The following LUZP2 variants were observed in gnomAD, a reference collection of about 807,000 sequenced individuals.
LUZP2 encodes the protein leucine zipper protein 2.
A neutral mutation model predicts 51.6 loss-of-function variants in LUZP2; 52 were observed. That is an observed-to-expected ratio of 1.01 (90% CI 0.81 to 1.27). The LOEUF (loss-of-function observed/expected upper bound fraction) is 1.27, where lower values mean the gene tolerates loss of function less well. Among genes scored for constraint, LUZP2 ranks in the 50% most tolerant of loss-of-function variants. The pLI, the probability that LUZP2 is intolerant of heterozygous loss-of-function variation, is 0.00. For missense variants in LUZP2, 436 were observed against 395.4 expected (o/e 1.10, Z -0.87); for synonymous variants, 154 against 137.3 (o/e 1.12, Z -0.85).
intron 1 of LUZP2, among the ~76,000 whole-genome samples, chr11:24,546,330 T>C (rs892302900): frequency 1.2e-4 from 18 of 152,062 alleles, no homozygotes; most frequent in African/African-American, 4.1e-4. Context: ...TGAACAAGAA[T>C]GGTGAGAGAA....
chr11:24,817,383 C>T (rs950875135), intron 5 of LUZP2, among the ~76,000 whole-genome samples: 2 of 151,896 alleles, frequency 1.3e-5, no homozygotes, highest in Admixed American at 6.6e-5. Context: ...TTCTAGTTGG[C>T]TCATGGTTGA....
At chr11:24,964,417 T>G (rs1376718500) in intron 7 of LUZP2, among the ~76,000 whole-genome samples, 1 of 152,148 alleles carries the variant, frequency 6.6e-6, no homozygotes, top group Non-Finnish European at 1.5e-5. Context: ...AGCAAGTTTT[T>G]TCACTTTATA....
chr11:24,554,490 AT>A (rs1482074562), intron 1 of LUZP2, among the ~76,000 whole-genome samples: 4 of 152,176 alleles, frequency 2.6e-5, no homozygotes, highest in Admixed American at 2.6e-4. Flanking sequence ...AAGAAAGTTA[AT>A]TTTTTGCCAC....
chr11:24,935,041 G>T (rs1323771013), intron 7 of LUZP2, among the ~76,000 whole-genome samples: 1 of 152,122 alleles, frequency 6.6e-6, no homozygotes, highest in Non-Finnish European at 1.5e-5. Flanking sequence ...CAAGAATAAG[G>T]CACAAGTCAG....
chr11:24,905,981 TC>T lies in LUZP2; in HGVS notation c.397-9del. On this transcript the variant is annotated splice_polypyrimidine_tract_variant and intron_variant, in intron 5 of 11. Coordinates refer to ENST00000336930, the MANE Select transcript of LUZP2 (RefSeq NM_001009909.4). Reference sequence around the variant, plus strand: ...TCTTCTTTGCAATAAAACTATGTTTTCTTCCTCAGAATAAAAGCTTGAAAAA... The same window carrying T: ...TCTTCTTTGCAATAAAACTATGTTTTTTCCTCAGAATAAAAGCTTGAAAAA... 1 of 1,601,112 alleles carries T rather than the reference TC, an allele frequency of 6.2e-7. No homozygotes were observed. The highest frequency in any genetic ancestry group is 8.6e-7 in the Non-Finnish European group (1 of 1,168,654).
intron 5 of LUZP2, among the ~76,000 whole-genome samples, chr11:24,768,486 G>A (rs1860279131): frequency 6.6e-6 from 1 of 152,112 alleles, no homozygotes; most frequent in African/African-American, 2.4e-5. Context: ...AATACTTCAT[G>A]AACACTAGTA....
At chr11:24,723,607 T>A (rs1858360425) in intron 1 of LUZP2, among the ~76,000 whole-genome samples, 1 of 152,054 alleles carries the variant, frequency 6.6e-6, no homozygotes, top group South Asian at 2.1e-4. Context: ...AGGAGAATTA[T>A]TTGAAGCCCA....
chr11:24,942,530 C>T (rs1364736186), intron 7 of LUZP2, among the ~76,000 whole-genome samples: 1 of 152,032 alleles, frequency 6.6e-6, no homozygotes, highest in Non-Finnish European at 1.5e-5. Context: ...ACGTGTTTTT[C>T]TCCTTAATGA....
chr11:24,743,470 C>T (rs1859261652), intron 4 of LUZP2, among the ~76,000 whole-genome samples: 1 of 151,810 alleles, frequency 6.6e-6, no homozygotes, highest in Admixed American at 6.6e-5. Flanking sequence ...GGGGTTGAAT[C>T]CTTGATTTGA....
intron 1 of LUZP2, among the ~76,000 whole-genome samples, chr11:24,502,907 G>T (rs2133754348): frequency 6.6e-6 from 1 of 152,280 alleles, no homozygotes; most frequent in South Asian, 2.1e-4. Context: ...TATAGGTAGG[G>T]TAGACTTGAA....
rs762685471 is a variant in LUZP2 at position 24,650,444 on chromosome 11, T to G, written c.63-78725T>G. Among the ~76,000 whole-genome samples the G allele has an allele frequency of 1.6e-4, 24 of 151,890 alleles. 1 individual carries two copies. Among genetic ancestry groups the G allele is most frequent in the Admixed American group, 3.3e-4 (5 of 15,216 alleles). On this transcript the variant is annotated intron_variant, in intron 1 of 11. Transcript: ENST00000336930. ...CACACACATACTAATAACAGACAAC[T>G]GATAAAGTGGGCAACTATTTTGTTT...
At chr11:24,784,867 T>C (rs1849196907) in intron 5 of LUZP2, among the ~76,000 whole-genome samples, 1 of 152,108 alleles carries the variant, frequency 6.6e-6, no homozygotes, top group Non-Finnish European at 1.5e-5. Flanking sequence ...GATATACATT[T>C]ATGCATATAT....
intron 5 of LUZP2, among the ~76,000 whole-genome samples, chr11:24,856,353 T>C (rs571815541): frequency 1.1e-4 from 16 of 152,052 alleles, no homozygotes; most frequent in Middle Eastern, 3.4e-3. Context: ...TCACTAAACA[T>C]CAAGAAATGT....
chr11:24,977,241 A>G (rs1357333753), intron 8 of LUZP2, among the ~76,000 whole-genome samples: 3 of 151,788 alleles, frequency 2.0e-5, no homozygotes, highest in African/African-American at 7.2e-5. Flanking sequence ...TAATTAAAAT[A>G]TAATATTAAC....
intron 7 of LUZP2, among the ~76,000 whole-genome samples, chr11:24,972,276 A>T (rs1441632155): frequency 6.6e-6 from 1 of 150,852 alleles, no homozygotes; most frequent in Non-Finnish European, 1.5e-5. Flanking sequence ...TGCCTTTATG[A>T]TGAATTTATG....
intron 5 of LUZP2, among the ~76,000 whole-genome samples, chr11:24,823,389 GAAAA>G (rs58275746): frequency 1.1e-5 from 1 of 92,758 alleles, no homozygotes; most frequent in Non-Finnish European, 2.5e-5. Context: ...AATGAATTCA[GAAAA>G]AAAAAAAAAA....
chr11:24,697,453 G>A (rs898071349), intron 1 of LUZP2, among the ~76,000 whole-genome samples: 1 of 152,178 alleles, frequency 6.6e-6, no homozygotes, highest in African/African-American at 2.4e-5. Flanking sequence ...AATTATTACA[G>A]TGTAAAAAAT....
chr11:24,631,708 T>C (rs1244722218), intron 1 of LUZP2, among the ~76,000 whole-genome samples: 1 of 151,950 alleles, frequency 6.6e-6, no homozygotes, highest in Non-Finnish European at 1.5e-5. Context: ...ACTAGCCTCG[T>C]GGAATAAGCT....
chr11:24,868,486 G>T (rs1381820770), intron 5 of LUZP2, among the ~76,000 whole-genome samples: 4 of 152,114 alleles, frequency 2.6e-5, no homozygotes, highest in Non-Finnish European at 5.9e-5. Flanking sequence ...CCTGTGATGT[G>T]CACTACATGT....
Sources: gnomAD v4.1 joint callset for allele counts (sites outside exome capture counted in the v4.1 genomes callset) on GRCh38, gnomAD v4.1.1 for gene constraint, MANE v1.5 for transcripts, NCBI Gene and HGNC (gene_info 2026-07-23, HGNC 2026-07-21) for gene names.